Variants in ATAD5 observed in about 807,000 individuals in gnomAD.
ATAD5 encodes the protein ATPase family AAA domain containing 5, also known as ATPase family AAA domain-containing protein 5.
In ATAD5, 58 loss-of-function variants were observed where a neutral mutation model predicts 176.9. The observed-to-expected ratio is 0.33, with a 90% CI of 0.27 to 0.41. The LOEUF (loss-of-function observed/expected upper bound fraction) is 0.41. ATAD5 is among the 10% of genes least tolerant of loss of function. The probability of loss-of-function intolerance (pLI) is 1.00; values close to 1 mark genes in which losing one functional copy is unlikely to be tolerated. For missense variants in ATAD5, 1,789 were observed against 2,094.1 expected, an observed-to-expected ratio of 0.85 and a Z score of 2.84; for synonymous variants, 640 against 712.6, an observed-to-expected ratio of 0.90 and a Z score of 1.62.
intron 6 of ATAD5, among the ~76,000 whole-genome samples, chr17:30,854,285 T>G (rs957537146): frequency 6.8e-6 from 1 of 147,590 alleles, no homozygotes; most frequent in Non-Finnish European, 1.5e-5. Context: ...AATTACCTAA[T>G]ATATATTTTA....
At chr17:30,861,160 C>T (rs1907607368) in intron 10 of ATAD5, among the ~76,000 whole-genome samples, 2 of 151,638 alleles carry the variant, frequency 1.3e-5, no homozygotes, top group African/African-American at 4.8e-5. Flanking sequence ...GTTGGCCAGG[C>T]TGGTCTCAAA....
intron 17 of ATAD5, among the ~76,000 whole-genome samples, chr17:30,878,652 C>CCCATTTGG (rs1908805105): frequency 6.7e-6 from 1 of 148,174 alleles, no homozygotes; most frequent in African/African-American, 2.5e-5. Flanking sequence ...CAAATTAATG[C>CCCATTTGG]CCATTTGGTA....
rs756364598 is a variant in ATAD5, at chr17:30,835,183, A to C, written c.1102A>C (p.Lys368Gln). The stretch of plus-strand genomic sequence containing the variant: ...GAATGAACAGACAGTTCAGAAAAGA[A>C]AATCTAATGTTGTTATACAGGAGGA... ...PENEQTVQKR[K>Q]SNVVIQEEEL... The change falls in exon 2 of 23, where the codon AAA (lysine) becomes CAA (glutamine). Residue 368 changes from lysine to glutamine, a missense_variant. Coordinates refer to ENST00000321990, the MANE Select transcript of ATAD5 (RefSeq NM_024857.5). 1.9e-6 allele frequency: 3 copies of C among 1,613,998 alleles called. No individual in the cohort carries two copies. The East Asian group carries it at 6.7e-5, about 36-fold the overall frequency.
chr17:30,894,722 G>T lies in ATAD5; in HGVS notation c.5456G>T (p.Arg1819Ile). 6.3e-7 allele frequency: 1 copy of T among 1,596,588 alleles called. No homozygotes were observed. The highest frequency in any genetic ancestry group is 8.5e-7 in the Non-Finnish European group (1 of 1,174,702). The change falls in exon 22 of 23, where the codon AGA becomes ATA. Residue 1819 changes from arginine (R) to isoleucine (I), a missense_variant and splice_region_variant. By Grantham distance (97) the Arg-to-Ile change is moderately conservative. Around this residue, in one of 6 missense-constraint regions of ATAD5, gnomAD observed 403 missense variants for 495.1 expected, o/e 0.81. Coordinates refer to ENST00000321990, the MANE Select transcript of ATAD5 (RefSeq NM_024857.5). ...AAAGAACAAGGAAAAAGTAAAAGAA[G>T]GTAAAGGCTTTATTAAAAACAACAT... ...KLKEQGKSKR[R>I]FLHYFEGIHL...
At chr17:30,846,178 C>A (rs1282523512) in intron 6 of ATAD5, among the ~76,000 whole-genome samples, 1 of 152,132 alleles carries the variant, frequency 6.6e-6, no homozygotes, top group Admixed American at 6.6e-5. Flanking sequence ...TATTCGATTT[C>A]TATTTCCATC....
intron 4 of ATAD5, 51 bp downstream of exon 4, chr17:30,840,832 T>C: frequency 1.3e-6 from 2 of 1,521,926 alleles, no homozygotes; most frequent in Non-Finnish European, 1.8e-6. Flanking sequence ...TTTTGCTGTT[T>C]GGAGTGGGAG....
chr17:30,875,030 C>T (rs915277631), intron 14 of ATAD5, among the ~76,000 whole-genome samples: 1 of 151,918 alleles, frequency 6.6e-6, no homozygotes, highest in African/African-American at 2.4e-5. Flanking sequence ...TTTTTAACCT[C>T]GAGATTTTCA....
intron 15 of ATAD5, 38 bp from the exon 16 acceptor site, chr17:30,877,378 T>C (rs1908737520): frequency 1.5e-6 from 2 of 1,355,758 alleles, no homozygotes; most frequent in African/African-American, 1.5e-5. Flanking sequence ...TTAGCAAAAG[T>C]TGATTTTACC....
intron 18 of ATAD5, among the ~76,000 whole-genome samples, chr17:30,886,371 AT>A (rs1909322070): frequency 7.0e-6 from 1 of 142,140 alleles, no homozygotes; most frequent in African/African-American, 2.8e-5. Context: ...AAATTGAATT[AT>A]TTTATTTATT....
rs761967355 is a variant in ATAD5 at position 30,835,811 on chromosome 17, C to A, written c.1730C>A (p.Ser577Tyr). 1.9e-6 allele frequency: 3 copies of A among 1,613,524 alleles called. No homozygotes were observed. In the Admixed American group the frequency reaches 5.0e-5, roughly 27 times the overall value. Residue 577 changes from serine (S) to tyrosine (Y), a missense_variant, in exon 2 of 23, where the codon TCT (serine) becomes TAT (tyrosine). Around this residue, in one of 6 missense-constraint regions of ATAD5, gnomAD observed 696 missense variants for 712.5 expected, o/e 0.98. Transcript: ENST00000321990. ...IPVKDIKLTQ[S>Y]KAESEASLLN... ...GTTAAAGATATTAAGCTTACACAGT[C>A]TAAAGCTGAATCTGAAGCCAGCTTG...
At chr17:30,883,173 G>A (rs1909124356) in intron 18 of ATAD5, among the ~76,000 whole-genome samples, 1 of 146,416 alleles carries the variant, frequency 6.8e-6, no homozygotes, top group African/African-American at 2.5e-5. Context: ...CTCCTAGGCT[G>A]GAGTGTAGTG....
At chr17:30,847,806 GC>G (rs1016072888) in intron 6 of ATAD5, among the ~76,000 whole-genome samples, 13 of 140,184 alleles carry the variant, frequency 9.3e-5, no homozygotes, top group Middle Eastern at 3.8e-3. Context: ...TGTAACCTCC[GC>G]CCCCCGGGTT....
At chr17:30,890,917 A>G (rs1337971208) in intron 19 of ATAD5, among the ~76,000 whole-genome samples, 4 of 152,142 alleles carry the variant, frequency 2.6e-5, no homozygotes, top group African/African-American at 9.7e-5. Flanking sequence ...TTTTAAGTTT[A>G]TTGTTAGCAC....
rs1905433010 is a variant in ATAD5, at chr17:30,832,376, C to T, written c.29C>T (p.Ala10Val). ...GTGGGGGTCCTGGCCATGGCGGCTG[C>T]AGCTGCTCCGCCTCCCGTGAAGGAC... MVGVLAMAAAAAPPPVKDCE... is the reference protein window; with the variant it reads MVGVLAMAAVAAPPPVKDCE... The change falls in exon 1 of 23, where the codon GCA becomes GTA. Residue 10 changes from alanine to valine, a missense_variant. By Grantham distance (64) the Ala-to-Val change is moderately conservative. Coordinates refer to ENST00000321990, the MANE Select transcript of ATAD5 (RefSeq NM_024857.5). 6 of 1,564,998 alleles carry T rather than the reference C, an allele frequency of 3.8e-6. No individual in the cohort carries two copies. In the South Asian group the frequency reaches 5.9e-5, roughly 15 times the overall value.
chr17:30,837,183 T>C (rs759997494), intron 2 of ATAD5, 23 bp from the exon 3 acceptor site: 1 of 1,290,866 alleles, frequency 7.7e-7, no homozygotes, highest in South Asian at 1.4e-5. Context: ...AAAATGTTTC[T>C]GAATACCTTA....
intron 10 of ATAD5, among the ~76,000 whole-genome samples, chr17:30,865,235 C>T (rs1445800590): frequency 1.3e-5 from 2 of 150,548 alleles, no homozygotes; most frequent in Non-Finnish European, 2.9e-5. Flanking sequence ...TGCAGTGGCG[C>T]GATCTCCGCT....
chr17:30,842,241 C>T (rs1906168380), intron 4 of ATAD5, among the ~76,000 whole-genome samples: 1 of 151,508 alleles, frequency 6.6e-6, no homozygotes, highest in African/African-American at 2.4e-5. Flanking sequence ...TGCCTTCCAG[C>T]CTGGGTAACA....
At chr17:30,883,791 C>T (rs144492291) in intron 18 of ATAD5, among the ~76,000 whole-genome samples, 3,370 of 152,192 alleles carry the variant, frequency 0.022, 57 homozygotes, top group Non-Finnish European at 0.034. Flanking sequence ...CCTCGTGATC[C>T]GCCCGTCTCG....
At chr17:30,850,833 TTATATATA>T (rs1312470807) in intron 6 of ATAD5, among the ~76,000 whole-genome samples, 104 of 27,820 alleles carry the variant, frequency 3.7e-3, no homozygotes, top group African/African-American at 9.1e-3. Flanking sequence ...TTATATATTT[TTATATATA>T]TATATATATA....
Sources: gnomAD v4.1 joint callset for allele counts (sites outside exome capture counted in the v4.1 genomes callset) on GRCh38, gnomAD v4.1.1 for gene constraint, gnomAD v4.1.1 regional missense constraint, MANE v1.5 for transcripts, NCBI Gene and HGNC (gene_info 2026-07-23, HGNC 2026-07-21) for gene names.